Variants in VEGFB observed in about 807,000 individuals in gnomAD.
VEGFB encodes the protein VEGF-related factor.
Under a neutral mutation model 22.5 loss-of-function variants are expected in VEGFB, and 24 were observed. That is an observed-to-expected ratio of 1.07 (90% CI 0.77 to 1.50). The LOEUF (loss-of-function observed/expected upper bound fraction) is 1.50. Ranked by LOEUF, VEGFB falls within the 40% of genes most tolerant of loss-of-function variation. The pLI is 0.00. For synonymous variants in VEGFB, 141 were observed against 117.4 expected (o/e 1.20, Z -1.30); for missense variants, 327 against 287.8 (o/e 1.14, Z -0.99).
At position 64,237,196 on chromosome 11, in the gene VEGFB, AAAG is replaced by A. The variant is rs2030157959; in HGVS notation, c.385_387del (p.Lys129del). On this transcript the variant is annotated inframe_deletion, in exon 5 of 7. Transcript: ENST00000309422. Reference sequence around the variant, plus strand: ...CTATCTTACTTTTCAGACCTAAAAAAAAGGACAGTGCTGTGAAGCCAGACAGGT... The same window carrying A: ...CTATCTTACTTTTCAGACCTAAAAAAGACAGTGCTGTGAAGCCAGACAGGT... 6.2e-7 allele frequency: 1 copy of A among 1,605,924 alleles called. No homozygotes were observed. Among genetic ancestry groups the A allele is most frequent in the East Asian group, 2.2e-5 (1 of 44,656 alleles).
intron 6 of VEGFB, 23 bp from the exon 7 acceptor site, chr11:64,238,332 AC>A: frequency 6.5e-7 from 1 of 1,536,156 alleles, no homozygotes; most frequent in South Asian, 1.2e-5. Flanking sequence ...GCCAGCATGA[AC>A]AGATCACTTC....
rs187580646 is a variant in VEGFB, at chr11:64,237,259, G to A, written c.410+37G>A. The A allele has an allele frequency of 7.7e-4, 1,219 of 1,592,684 alleles. 13 individuals are homozygous for A. In the East Asian group the frequency reaches 0.025, roughly 32 times the overall value. ...GGACTCCAGCTGAGTAGGGGTATGGGGAGTACAAGTGAGTCCAGAAGCTGT... is the reference window on the plus strand; with the variant it reads ...GGACTCCAGCTGAGTAGGGGTATGGAGAGTACAAGTGAGTCCAGAAGCTGT... On this transcript the variant is annotated intron_variant, in intron 5 of 6. Coordinates refer to ENST00000309422, the MANE Select transcript of VEGFB (RefSeq NM_003377.5).
intron 6 of VEGFB, 98 bp from the exon 7 acceptor site, chr11:64,238,258 T>G: frequency 6.9e-7 from 1 of 1,450,870 alleles, no homozygotes; most frequent in African/African-American, 1.4e-5. Context: ...TGTGGCAGGA[T>G]GCTCAGGTTG....
Position 64,234,936 on chromosome 11 carries a change from T to C in VEGFB, c.60+43T>C. On this transcript the variant is annotated intron_variant, in intron 1 of 6. Coordinates refer to ENST00000309422, the MANE Select transcript of VEGFB (RefSeq NM_003377.5). This position sits in a 1 kb window ranked among gnomAD's most constrained non-coding sequence, Gnocchi z 5.3. Reference sequence around the variant, plus strand: ...GCGCGCCCGCCCGCCCGCCGTGCCCTCTCTCAAGGTTGGCGGAAGTGAGGA... The same window carrying C: ...GCGCGCCCGCCCGCCCGCCGTGCCCCCTCTCAAGGTTGGCGGAAGTGAGGA... 2 of 1,263,462 alleles carry C rather than the reference T, an allele frequency of 1.6e-6. No homozygotes were observed. The highest frequency in any genetic ancestry group is 2.0e-6 in the Non-Finnish European group (2 of 1,001,244). 78.3% of individuals were successfully genotyped at this position (1,263,462 alleles called of 1,614,324 possible). A position where few individuals can be genotyped will look rare whatever the true frequency, so the allele number is the denominator to read the frequency against.
intron 4 of VEGFB, among the ~76,000 whole-genome samples, chr11:64,236,860 C>T (rs544982308): frequency 6.7e-6 from 1 of 149,354 alleles, no homozygotes; most frequent in African/African-American, 2.4e-5. Context: ...AGGCAGATCA[C>T]CTGAGGTAAG....
chr11:64,237,573 CGGACCT>C lies in VEGFB; in HGVS notation c.566_571del (p.Gly189_Pro190del). The C allele has an allele frequency of 6.3e-7, 1 of 1,596,560 alleles. No individual in the cohort carries two copies. Among genetic ancestry groups the C allele is most frequent in the Non-Finnish European group, 8.5e-7 (1 of 1,175,466 alleles). On this transcript the variant is annotated inframe_deletion, in exon 6 of 7. Coordinates refer to ENST00000309422, the MANE Select transcript of VEGFB (RefSeq NM_003377.5). ...CCAGCACCACCAGCGCCCTGACCCC[CGGACCT>C]GCCGCTGCCGCTGCCGACGCCGCAG...
chr11:64,238,035 T>C, intron 6 of VEGFB: 1 of 512,818 alleles, frequency 2.0e-6, no homozygotes, highest in Non-Finnish European at 3.5e-6. Flanking sequence ...ACATCTGCCC[T>C]TACCTACGGG....
In VEGFB at chr11:64,234,750, C is replaced by G. The variant is rs1306044462; in HGVS notation, c.-84C>G. On this transcript the variant is annotated 5_prime_UTR_variant, in exon 1 of 7. Transcript: ENST00000309422. The surrounding 1 kb of genome is among the most constrained non-coding windows in gnomAD (Gnocchi z 5.3). ...CCGCCCGCCGCGCCCGGGCCCGCGC[C>G]ATGGGGCTCTGGCTGTCGCCGCCCC... 3.9e-6 allele frequency: 2 copies of G among 513,548 alleles called. No homozygotes were observed. Among genetic ancestry groups the G allele is most frequent in the Admixed American group, 1.3e-4 (2 of 15,140 alleles). 31.8% of individuals were successfully genotyped at this position (513,548 alleles called of 1,614,324 possible).
chr11:64,235,546 G>C (rs1432066387), intron 2 of VEGFB, 46 bp downstream of exon 2: 7 of 1,590,266 alleles, frequency 4.4e-6, no homozygotes, highest in Non-Finnish European at 6.0e-6. Flanking sequence ...AAGAGGGTTT[G>C]TCATGGGCCC....
chr11:64,238,287 G>A, intron 6 of VEGFB, 69 bp from the exon 7 acceptor site: 2 of 1,530,990 alleles, frequency 1.3e-6, no homozygotes, highest in Non-Finnish European at 1.7e-6. Flanking sequence ...GTGGGCCCGA[G>A]GCACACATGA....
At position 64,237,229 on chromosome 11, in the gene VEGFB, CTTTTGGA is replaced by C. The variant is rs751261444; in HGVS notation, c.410+8_410+14del. ...GTGCTGTGAAGCCAGACAGGTGAGT[CTTTTGGA>C]CTCCAGCTGAGTAGGGGTATGGGGA... On this transcript the variant is annotated splice_region_variant and intron_variant, in intron 5 of 6. Coordinates refer to ENST00000309422, the MANE Select transcript of VEGFB (RefSeq NM_003377.5). 1.2e-6 allele frequency: 2 copies of C among 1,608,506 alleles called. No homozygotes were observed. Among genetic ancestry groups the C allele is most frequent in the East Asian group, 4.5e-5 (2 of 44,760 alleles).
rs529484469 is a variant in VEGFB, at chr11:64,236,512, G to T, written c.374+185G>T. On this transcript the variant is annotated intron_variant, in intron 4 of 6. Transcript: ENST00000309422. ...GGGCGGATCATGAGGTCAGGAGATC[G>T]AGACCATCCTGGCTAACATGGTAAA... Among the ~76,000 whole-genome samples the T allele has an allele frequency of 3.7e-4, 54 of 145,200 alleles. No individual in the cohort carries two copies. In the East Asian group the frequency reaches 8.9e-3, roughly 24 times the overall value.
chr11:64,235,511 C>G lies in VEGFB; in HGVS notation c.103+11C>G. On this transcript the variant is annotated intron_variant, in intron 2 of 6. Coordinates refer to ENST00000309422, the MANE Select transcript of VEGFB (RefSeq NM_003377.5). ...GCCACCAGAGGAAAGGTAATACTTA[C>G]AAAAACTCGGCACTAGCCAGCACTA... 2 of 1,613,828 alleles carry G rather than the reference C, an allele frequency of 1.2e-6. No homozygotes were observed. The highest frequency in any genetic ancestry group is 8.5e-7 in the Non-Finnish European group (1 of 1,179,926).
intron 4 of VEGFB, among the ~76,000 whole-genome samples, chr11:64,236,875 T>G (rs928948316): frequency 6.7e-6 from 1 of 148,638 alleles, no homozygotes; most frequent in Admixed American, 6.7e-5. Flanking sequence ...GGTAAGGCGT[T>G]TGAGACCAGC....
rs191221300 is a variant in VEGFB, at chr11:64,238,397, A to C, written c.*64A>C. On this transcript the variant is annotated 3_prime_UTR_variant, in exon 7 of 7. Transcript: ENST00000309422. ...AGGTGACACATGGCTTTTCAGACTCAGCAGGGTGACTTGCCTCAGAGGCTA... is the reference window on the plus strand; with the variant it reads ...AGGTGACACATGGCTTTTCAGACTCCGCAGGGTGACTTGCCTCAGAGGCTA... 6.5e-7 allele frequency: 1 copy of C among 1,536,132 alleles called. No individual in the cohort carries two copies. Among genetic ancestry groups the C allele is most frequent in the Non-Finnish European group, 8.7e-7 (1 of 1,146,844 alleles).
At chr11:64,235,003 C>G in intron 1 of VEGFB, 110 bp downstream of exon 1, 7 of 958,338 alleles carry the variant, frequency 7.3e-6, no homozygotes, top group Non-Finnish European at 9.4e-6. Context: ...CGGGGTCCGG[C>G]CTTGGACGCG....
chr11:64,234,915 G>A lies in VEGFB; in HGVS notation c.60+22G>A. 1 of 1,264,836 alleles carries A rather than the reference G, an allele frequency of 7.9e-7. No homozygotes were observed. The highest frequency in any genetic ancestry group is 9.9e-7 in the Non-Finnish European group (1 of 1,005,038). The allele number at this position is 1,264,836 out of a possible 1,614,324, so 78.4% of individuals were successfully genotyped here. Reference sequence around the variant, plus strand: ...CCAGGTACGTGCGGCCCGACAGCGCGCCCGCCCGCCCGCCGTGCCCTCTCT... The same window carrying A: ...CCAGGTACGTGCGGCCCGACAGCGCACCCGCCCGCCCGCCGTGCCCTCTCT... On this transcript the variant is annotated intron_variant, in intron 1 of 6. Coordinates refer to ENST00000309422, the MANE Select transcript of VEGFB (RefSeq NM_003377.5). The surrounding 1 kb of genome is among the most constrained non-coding windows in gnomAD (Gnocchi z 5.3).
rs2030010395 is a variant in VEGFB at position 64,236,244 on chromosome 11, C to G, written c.301-10C>G. ...CCTCACTGTCCCCCCTGTTCTTCTCCTGAGCACAGATCCTCATGATCCGGT... is the reference window on the plus strand; with the variant it reads ...CCTCACTGTCCCCCCTGTTCTTCTCGTGAGCACAGATCCTCATGATCCGGT... On this transcript the variant is annotated splice_polypyrimidine_tract_variant and intron_variant, in intron 3 of 6. Coordinates refer to ENST00000309422, the MANE Select transcript of VEGFB (RefSeq NM_003377.5). 1 of 1,613,820 alleles carries G rather than the reference C, an allele frequency of 6.2e-7. No homozygotes were observed. The highest frequency in any genetic ancestry group is 8.5e-7 in the Non-Finnish European group (1 of 1,179,898).
rs759114911 is a variant in VEGFB at position 64,237,577 on chromosome 11, C to CCTGCCG, written c.581_586dup (p.Ala194_Ala195dup). ...CACCACCAGCGCCCTGACCCCCGGA[C>CCTGCCG]CTGCCGCTGCCGCTGCCGACGCCGC... On this transcript the variant is annotated inframe_insertion, in exon 6 of 7. Coordinates refer to ENST00000309422, the MANE Select transcript of VEGFB (RefSeq NM_003377.5). The CCTGCCG allele has an allele frequency of 5.1e-5, 81 of 1,597,456 alleles. No homozygotes were observed. Among genetic ancestry groups the CCTGCCG allele is most frequent in the Non-Finnish European group, 6.0e-5 (71 of 1,175,942 alleles).
Sources: allele counts gnomAD v4.1 joint callset (sites outside exome capture counted in the v4.1 genomes callset), GRCh38; gene constraint gnomAD v4.1.1; non-coding constraint Gnocchi (gnomAD v3.1); transcripts MANE v1.5; gene names NCBI Gene and HGNC (gene_info 2026-07-23, HGNC 2026-07-21).